The following HS3ST4 variants were observed in gnomAD, a reference collection of about 807,000 sequenced individuals.
HS3ST4 encodes the protein heparan sulfate-glucosamine 3-sulfotransferase 4.
Under a neutral mutation model 29.2 loss-of-function variants are expected in HS3ST4, and 17 were observed. The ratio of observed to expected loss-of-function variants is 0.58; its 90% CI spans 0.40 to 0.87. HS3ST4 has a LOEUF of 0.87. Ranked by LOEUF, HS3ST4 falls within the 40% of genes least tolerant of loss-of-function variation. The probability of loss-of-function intolerance (pLI) is 0.00; values close to 1 mark genes in which losing one functional copy is unlikely to be tolerated. For missense variants in HS3ST4, 627 were observed against 634.5 expected, an observed-to-expected ratio of 0.99 and a Z score of 0.13; for synonymous variants, 314 against 285.7, an observed-to-expected ratio of 1.10 and a Z score of -1.00.
rs757780344 is a variant in HS3ST4 at position 26,136,484 on chromosome 16, A to C, written c.*236A>C. 3.5e-6 allele frequency: 2 copies of C among 565,542 alleles called. No individual in the cohort carries two copies. The highest frequency in any genetic ancestry group is 3.8e-5 in the African/African-American group (2 of 53,306). The allele number at this position is 565,542 out of a possible 1,614,324, so 35.0% of individuals were successfully genotyped here. A position where few individuals can be genotyped will look rare whatever the true frequency, so the allele number is the denominator to read the frequency against. On this transcript the variant is annotated 3_prime_UTR_variant, in exon 2 of 2. Coordinates refer to ENST00000331351, the MANE Select transcript of HS3ST4 (RefSeq NM_006040.3). ...GCAGCATCTGGTTGACCAGATGGCC[A>C]CCAGAACCCACTGTTCATTCTTATC...
intron 1 of HS3ST4, among the ~76,000 whole-genome samples, chr16:25,871,057 C>A (rs1034088593): frequency 2.6e-5 from 4 of 152,046 alleles, no homozygotes; most frequent in Non-Finnish European, 4.4e-5. Flanking sequence ...GAATACATTG[C>A]CCAAGAGTAT....
At chr16:25,959,860 C>T (rs938542395) in intron 1 of HS3ST4, among the ~76,000 whole-genome samples, 6 of 152,094 alleles carry the variant, frequency 3.9e-5, no homozygotes, top group African/African-American at 7.2e-5. Flanking sequence ...TGGGGTCGGG[C>T]GCAGTGGCTC....
intron 1 of HS3ST4, among the ~76,000 whole-genome samples, chr16:25,994,147 G>A (rs149047020): frequency 3.5e-4 from 53 of 152,080 alleles, no homozygotes; most frequent in African/African-American, 1.2e-3. Flanking sequence ...CATCACATTT[G>A]GGGGCTAGGG....
intron 1 of HS3ST4, among the ~76,000 whole-genome samples, chr16:26,015,397 A>T (rs936737546): frequency 1.3e-5 from 2 of 152,212 alleles, no homozygotes; most frequent in African/African-American, 4.8e-5. Flanking sequence ...ATTTTTAGAG[A>T]TGTCTTATCC....
At chr16:25,758,591 A>G (rs1294189600) in intron 1 of HS3ST4, among the ~76,000 whole-genome samples, 1 of 152,178 alleles carries the variant, frequency 6.6e-6, no homozygotes, top group Non-Finnish European at 1.5e-5. Flanking sequence ...CTACAAGGAT[A>G]AAAAGACCAC....
intron 1 of HS3ST4, among the ~76,000 whole-genome samples, chr16:26,107,569 A>G (rs769430854): frequency 2.6e-5 from 4 of 152,178 alleles, no homozygotes; most frequent in African/African-American, 7.2e-5. Context: ...TGAGTCTTCA[A>G]TGTCCATTAT....
chr16:25,875,818 C>A lies in HS3ST4; in HGVS notation c.734+182667C>A, dbSNP rs144909754. Among the ~76,000 whole-genome samples, 15 of 152,146 alleles carry A rather than the reference C, an allele frequency of 9.9e-5. No homozygotes were observed. In the South Asian group the frequency reaches 2.3e-3, roughly 23 times the overall value. On this transcript the variant is annotated intron_variant, in intron 1 of 1. Coordinates refer to ENST00000331351, the MANE Select transcript of HS3ST4 (RefSeq NM_006040.3). ...ATTGCCAGGTGTGTGATCCAGAAACCCAAGGACCATGGGCTCCTCCAGCTG... is the reference window on the plus strand; with the variant it reads ...ATTGCCAGGTGTGTGATCCAGAAACACAAGGACCATGGGCTCCTCCAGCTG...
intron 1 of HS3ST4, among the ~76,000 whole-genome samples, chr16:26,134,853 C>T (rs1898259146): frequency 6.6e-6 from 1 of 152,162 alleles, no homozygotes; most frequent in Non-Finnish European, 1.5e-5. Flanking sequence ...GGCCATATGG[C>T]CTCTGTCTTA....
intron 1 of HS3ST4, among the ~76,000 whole-genome samples, chr16:25,894,321 C>T (rs1390682935): frequency 6.6e-6 from 1 of 151,976 alleles, no homozygotes; most frequent in African/African-American, 2.4e-5. Context: ...TGAAGTTGCT[C>T]CCAGATATAG....
chr16:25,957,454 G>C (rs1968748099), intron 1 of HS3ST4, among the ~76,000 whole-genome samples: 1 of 152,024 alleles, frequency 6.6e-6, no homozygotes. Flanking sequence ...TTTTGCTCTT[G>C]TTGCCCAGGC....
intron 1 of HS3ST4, among the ~76,000 whole-genome samples, chr16:25,835,301 T>C (rs1967346098): frequency 6.6e-6 from 1 of 152,234 alleles, no homozygotes; most frequent in Non-Finnish European, 1.5e-5. Context: ...GAGGAATTGC[T>C]GAACAAACAC....
chr16:25,878,823 A>G (rs960588004), intron 1 of HS3ST4, among the ~76,000 whole-genome samples: 7 of 152,154 alleles, frequency 4.6e-5, no homozygotes, highest in Non-Finnish European at 7.3e-5. Flanking sequence ...ACCTTTATTC[A>G]AACCTTCGAT....
chr16:25,807,909 C>T (rs2141627052), intron 1 of HS3ST4, among the ~76,000 whole-genome samples: 1 of 152,208 alleles, frequency 6.6e-6, no homozygotes, highest in East Asian at 1.9e-4. Flanking sequence ...TGCGGTTGAA[C>T]ATCTCGTCAT....
intron 1 of HS3ST4, among the ~76,000 whole-genome samples, chr16:25,798,769 C>T (rs994954552): frequency 1.3e-5 from 2 of 152,172 alleles, no homozygotes; most frequent in African/African-American, 4.8e-5. Context: ...GGCTTCACGG[C>T]ACCCTCATTC....
chr16:25,836,356 T>C (rs8062848), intron 1 of HS3ST4, among the ~76,000 whole-genome samples: 151,762 of 152,250 alleles, frequency 1, 75,639 homozygotes, highest in East Asian at 1. Context: ...CAGGCAGTCC[T>C]GTTAACCAAG....
intron 1 of HS3ST4, among the ~76,000 whole-genome samples, chr16:25,966,574 C>G (rs187467873): frequency 1.6e-3 from 247 of 152,260 alleles, no homozygotes; most frequent in Admixed American, 2.7e-3. Flanking sequence ...TGGCCAGCAG[C>G]TGGGGCAGAC....
chr16:25,818,395 C>T (rs1053108282), intron 1 of HS3ST4, among the ~76,000 whole-genome samples: 17 of 152,156 alleles, frequency 1.1e-4, no homozygotes, highest in African/African-American at 4.1e-4. Context: ...GACACTGAAT[C>T]CACCAGCCCC....
chr16:25,764,917 G>T (rs4287571), intron 1 of HS3ST4, among the ~76,000 whole-genome samples: 99,694 of 152,158 alleles, frequency 0.66, 33,623 homozygotes, highest in African/African-American at 0.77. Context: ...AAGAGTAACC[G>T]GCAAGAGGCT....
At chr16:25,738,742 G>C (rs1484314435) in intron 1 of HS3ST4, among the ~76,000 whole-genome samples, 2 of 152,090 alleles carry the variant, frequency 1.3e-5, no homozygotes, top group East Asian at 3.9e-4. Flanking sequence ...AAGTGTCAGA[G>C]CACAGCCTAC....
Sources: gnomAD v4.1 joint callset for allele counts (sites outside exome capture counted in the v4.1 genomes callset) on GRCh38, gnomAD v4.1.1 for gene constraint, MANE v1.5 for transcripts, NCBI Gene and HGNC (gene_info 2026-07-23, HGNC 2026-07-21) for gene names.